ARNT2: variants seen among roughly 807,000 people sequenced by gnomAD.
ARNT2 encodes ARNT protein 2.
In ARNT2, 36 loss-of-function variants were observed where a neutral mutation model predicts 91.7. That is an observed-to-expected ratio of 0.39 (90% CI 0.30 to 0.52). ARNT2 has a LOEUF of 0.52. Ranked by LOEUF, ARNT2 falls within the 20% of genes least tolerant of loss-of-function variation. The pLI is 0.72. For synonymous variants in ARNT2, 365 were observed against 347.1 expected, an observed-to-expected ratio of 1.05 and a Z score of -0.57; for missense variants, 775 against 939.3, an observed-to-expected ratio of 0.83 and a Z score of 2.29.
chr15:80,524,598 C>A (rs917323959), intron 8 of ARNT2, among the ~76,000 whole-genome samples: 1 of 151,932 alleles, frequency 6.6e-6, no homozygotes. Context: ...AAGTGCTGGC[C>A]GGGCGCAGTG....
chr15:80,506,269 A>G (rs1295033132), intron 5 of ARNT2, among the ~76,000 whole-genome samples: 3 of 152,236 alleles, frequency 2.0e-5, no homozygotes, highest in African/African-American at 7.2e-5. Flanking sequence ...AGAAGATTCC[A>G]TTCAAGGGAT....
chr15:80,588,337 G>A (rs754998900), intron 17 of ARNT2, among the ~76,000 whole-genome samples: 6 of 151,874 alleles, frequency 4.0e-5, no homozygotes, highest in Non-Finnish European at 8.8e-5. Flanking sequence ...GTCGTCTCTT[G>A]CAAGGATTGC....
chr15:80,406,004 T>A (rs1277550351), intron 1 of ARNT2, among the ~76,000 whole-genome samples: 1 of 152,062 alleles, frequency 6.6e-6, no homozygotes, highest in Non-Finnish European at 1.5e-5. Flanking sequence ...GGAAACATTC[T>A]AAGGAGGGAA....
chr15:80,589,255 G>A (rs1169176500), intron 17 of ARNT2, among the ~76,000 whole-genome samples: 3 of 151,898 alleles, frequency 2.0e-5, no homozygotes, highest in African/African-American at 7.3e-5. Flanking sequence ...GAGAGATTGA[G>A]AAGAATGGGC....
intron 2 of ARNT2, among the ~76,000 whole-genome samples, chr15:80,454,594 A>G (rs940849517): frequency 2.0e-5 from 3 of 152,242 alleles, no homozygotes; most frequent in Non-Finnish European, 4.4e-5. Context: ...GCATTGCTGC[A>G]GTCTGGGCTG....
chr15:80,489,703 C>T (rs1325812635), intron 5 of ARNT2, among the ~76,000 whole-genome samples: 1 of 152,230 alleles, frequency 6.6e-6, no homozygotes, highest in Non-Finnish European at 1.5e-5. Flanking sequence ...TGGAACAGTG[C>T]ACTTGTACTC....
chr15:80,456,869 C>T (rs1396093309), intron 2 of ARNT2, among the ~76,000 whole-genome samples: 1 of 151,962 alleles, frequency 6.6e-6, no homozygotes, highest in Non-Finnish European at 1.5e-5. Flanking sequence ...GTTTCTCAAG[C>T]CAGGCTGCCA....
chr15:80,559,225 C>G (rs1349865877), intron 11 of ARNT2, among the ~76,000 whole-genome samples: 1 of 152,254 alleles, frequency 6.6e-6, no homozygotes, highest in Admixed American at 6.5e-5. Flanking sequence ...TCTGATCCCA[C>G]CCTGATATCC....
rs375307145 is a variant in ARNT2, at chr15:80,421,074, T to TA, written c.31+16534dup. Among the ~76,000 whole-genome samples the TA allele has an allele frequency of 9.7e-3, 1,480 of 152,170 alleles. 17 individuals are homozygous for TA. The highest frequency in any genetic ancestry group is 0.034 in the African/African-American group (1,418 of 41,538). The stretch of plus-strand genomic sequence containing the variant: ...TACACCATGGAATACTACTCAGCCA[T>TA]AAAAAATAACAAAATAATGCCTTTT... On this transcript the variant is annotated intron_variant, in intron 1 of 18. Coordinates refer to ENST00000303329, the MANE Select transcript of ARNT2 (RefSeq NM_014862.4).
intron 3 of ARNT2, among the ~76,000 whole-genome samples, chr15:80,460,351 T>C (rs576592321): frequency 3.3e-5 from 5 of 152,216 alleles, no homozygotes; most frequent in Non-Finnish European, 7.3e-5. Context: ...TTGATATGGT[T>C]CCTACTTTAG....
intron 1 of ARNT2, among the ~76,000 whole-genome samples, chr15:80,446,229 C>A (rs912579136): frequency 6.6e-6 from 1 of 152,034 alleles, no homozygotes; most frequent in Non-Finnish European, 1.5e-5. Context: ...TTGGAAAAGA[C>A]GTTCTGTGCT....
At chr15:80,483,524 G>A (rs975812238) in intron 5 of ARNT2, among the ~76,000 whole-genome samples, 1 of 152,202 alleles carries the variant, frequency 6.6e-6, no homozygotes, top group Non-Finnish European at 1.5e-5. Flanking sequence ...TGACTAGGCA[G>A]GGGAAATGTG....
rs201803008 is a variant in ARNT2, at chr15:80,475,175, G to A, written c.574G>A (p.Val192Met). ...GTATGAACAGGTGCATCCTGATGAC[G>A]TGGAGAAGCTGAGAGAGCAACTGTG... ...TLYEQVHPDDVEKLREQLCTS... is the reference protein window; with the variant it reads ...TLYEQVHPDDMEKLREQLCTS... Residue 192 changes from valine (V) to methionine (M), a missense_variant, in exon 5 of 19, where the codon GTG (valine) becomes ATG (methionine). By Grantham distance (21) the Val-to-Met change is conservative (BLOSUM62 1). This residue lies in a region of ARNT2 where 285 missense variants were observed against 327.2 expected (regional missense o/e 0.87). Transcript: ENST00000303329. 103 of 1,614,184 alleles carry A rather than the reference G, an allele frequency of 6.4e-5. 1 individual carries two copies. The East Asian group carries it at 9.4e-4, about 15-fold the overall frequency.
intron 10 of ARNT2, 147 bp from the exon 11 acceptor site, chr15:80,554,918 T>C: frequency 1.4e-6 from 1 of 712,796 alleles, no homozygotes; most frequent in Non-Finnish European, 2.3e-6. Context: ...AGGGAAATTT[T>C]GCACTCACTT....
chr15:80,512,295 G>C (rs148996124), intron 6 of ARNT2, among the ~76,000 whole-genome samples: 1 of 152,314 alleles, frequency 6.6e-6, no homozygotes, highest in East Asian at 1.9e-4. Flanking sequence ...TGTTTTACGA[G>C]AAATGGCCCT....
chr15:80,568,805 C>T (rs1898531662), intron 12 of ARNT2, among the ~76,000 whole-genome samples: 1 of 152,264 alleles, frequency 6.6e-6, no homozygotes, highest in Non-Finnish European at 1.5e-5. Flanking sequence ...CCTCTTTGGC[C>T]TTGCCTCAGT....
At chr15:80,464,994 C>A (rs1272418782) in intron 3 of ARNT2, among the ~76,000 whole-genome samples, 32 of 152,212 alleles carry the variant, frequency 2.1e-4, no homozygotes, top group Admixed American at 2.1e-3. Context: ...TGCAAAGGGT[C>A]TCTTCCTACA....
intron 5 of ARNT2, among the ~76,000 whole-genome samples, chr15:80,496,960 G>A (rs993703584): frequency 6.6e-6 from 1 of 152,166 alleles, no homozygotes; most frequent in African/African-American, 2.4e-5. Context: ...ACCAGTGTAT[G>A]TATGCGAGGC....
chr15:80,555,267 C>T, intron 11 of ARNT2, 128 bp downstream of exon 11: 3 of 894,852 alleles, frequency 3.4e-6, no homozygotes, highest in Non-Finnish European at 5.3e-6. Context: ...TCACTCAGGG[C>T]CCCTGCTAGG....
Sources: allele counts gnomAD v4.1 joint callset (sites outside exome capture counted in the v4.1 genomes callset), GRCh38; gene constraint gnomAD v4.1.1; regional missense constraint gnomAD v4.1.1; transcripts MANE v1.5; gene names NCBI Gene and HGNC (gene_info 2026-07-23, HGNC 2026-07-21).